Variants in CFAP74 observed in about 807,000 individuals in gnomAD.
CFAP74 encodes cilia- and flagella-associated protein 74.
Under a neutral mutation model 188.9 loss-of-function variants are expected in CFAP74, and 124 were observed. The observed-to-expected ratio is 0.66, with a 90% CI of 0.57 to 0.76. The LOEUF (loss-of-function observed/expected upper bound fraction) is 0.76. Among genes scored for constraint, CFAP74 ranks in the 30% least tolerant of loss-of-function variants. The probability of loss-of-function intolerance (pLI) is 0.00; values close to 1 mark genes in which losing one functional copy is unlikely to be tolerated. For synonymous variants in CFAP74, 956 were observed against 916.7 expected, an observed-to-expected ratio of 1.04 and a Z score of -0.77; for missense variants, 2,198 against 2,165.2, an observed-to-expected ratio of 1.02 and a Z score of -0.30.
At chr1:2,001,988 T>C (rs1395103225) in intron 1 of CFAP74, among the ~76,000 whole-genome samples, 1 of 152,202 alleles carries the variant, frequency 6.6e-6, no homozygotes, top group Non-Finnish European at 1.5e-5. Flanking sequence ...AAAGTGACTC[T>C]AGGCTGGATC....
intron 1 of CFAP74, among the ~76,000 whole-genome samples, chr1:1,992,226 A>G (rs13303140): frequency 0.49 from 73,400 of 151,302 alleles, 18,595 homozygotes; most frequent in Middle Eastern, 0.59. Context: ...GTGCAGTGAC[A>G]CAATCACAGT....
chr1:1,954,851 G>A (rs1360045765), intron 18 of CFAP74: 2 of 1,152,172 alleles, frequency 1.7e-6, no homozygotes, highest in Non-Finnish European at 2.2e-6. Context: ...GCAGGCATGA[G>A]CCCCAGCCAG....
intron 5 of CFAP74, among the ~76,000 whole-genome samples, 183 bp downstream of exon 5, chr1:1,986,754 T>C (rs1023745438): frequency 1.3e-5 from 2 of 152,198 alleles, no homozygotes; most frequent in African/African-American, 4.8e-5. Flanking sequence ...CCAGCCCCAG[T>C]GCCCTCCAGG....
chr1:1,966,396 C>G lies in CFAP74; in HGVS notation c.1376G>C (p.Trp459Ser). The G allele has an allele frequency of 6.3e-7, 1 of 1,587,762 alleles. No homozygotes were observed. The highest frequency in any genetic ancestry group is 8.6e-7 in the Non-Finnish European group (1 of 1,165,022). The change falls in exon 12 of 39, where the codon TGG becomes TCG. Residue 459 changes from tryptophan (W) to serine (S), a missense_variant. By Grantham distance (177) the Trp-to-Ser change is radical. Coordinates refer to ENST00000682832, the MANE Select transcript of CFAP74 (RefSeq NM_001304360.2). ...CTGGTATGGCTTGTAGTCTTCATTC[C>G]AAAGCCCAGAGATCTCGGGCTCAGC... is the stretch of plus-strand genomic sequence containing the variant. ...TLAEPEISGL[W>S]NEDYKPYQVP... is the part of the protein sequence containing the mutation.
intron 13 of CFAP74, among the ~76,000 whole-genome samples, chr1:1,964,363 C>T (rs528819819): frequency 4.9e-4 from 75 of 152,372 alleles, no homozygotes; most frequent in Non-Finnish European, 8.5e-4. Flanking sequence ...TTCGGGGCCA[C>T]GGCACCCCCA....
At chr1:1,944,649 C>T (rs1653627089) in intron 20 of CFAP74, among the ~76,000 whole-genome samples, 197 bp from the exon 21 acceptor site, 1 of 152,230 alleles carries the variant, frequency 6.6e-6, no homozygotes, top group Non-Finnish European at 1.5e-5. Context: ...CTCTGTCGCC[C>T]AGGCTGGAGT....
rs75709237 is a variant in CFAP74, at chr1:1,956,538, G to A, written c.2016+82C>T. 1.4e-3 allele frequency: 2,153 copies of A among 1,547,306 alleles called. 36 individuals are homozygous for A. In the African/African-American group the frequency reaches 0.026, roughly 18 times the overall value. On this transcript the variant is annotated intron_variant, in intron 17 of 38. Transcript: ENST00000682832. Reference sequence around the variant, plus strand: ...CCAGGCCCACTGTTGATACCCTCATGTTGTCACCTCTGTTCACCCACATGG... The same window carrying A: ...CCAGGCCCACTGTTGATACCCTCATATTGTCACCTCTGTTCACCCACATGG...
chr1:1,922,336 T>C lies in CFAP74; in HGVS notation c.4871A>G (p.Lys1624Arg). The C allele has an allele frequency of 6.2e-7, 1 of 1,605,498 alleles. No individual in the cohort carries two copies. Among genetic ancestry groups the C allele is most frequent in the Non-Finnish European group, 8.5e-7 (1 of 1,177,668 alleles). The part of the protein sequence containing the change: ...SALLQLRGDV[K>R]ETYKVIFVAQ... ...TACAAAGATGACCTTGTAGGTCTCC[T>C]TCACATCCCCCCTTAGCTGCAGCAG... is the stretch of plus-strand genomic sequence containing the variant. The change falls in exon 39 of 39, where the codon AAG becomes AGG. Residue 1624 changes from lysine to arginine, a missense_variant. Physicochemically the swap from Lys to Arg is conservative, Grantham distance 26. Transcript: ENST00000682832.
chr1:1,931,963 G>A (rs1652419218), intron 25 of CFAP74, among the ~76,000 whole-genome samples: 1 of 151,054 alleles, frequency 6.6e-6, no homozygotes, highest in South Asian at 2.1e-4. Context: ...CTACTCGGGA[G>A]GCTGAGGCAG....
At chr1:1,945,459 C>T (rs1221474707) in intron 20 of CFAP74, among the ~76,000 whole-genome samples, 1 of 152,170 alleles carries the variant, frequency 6.6e-6, no homozygotes, top group Non-Finnish European at 1.5e-5. Context: ...TGCCAGGAGC[C>T]TCAACCTGGG....
intron 25 of CFAP74, among the ~76,000 whole-genome samples, chr1:1,934,734 C>CGTGGGTGTTAGGATGTAGGTACACAG (rs1557997139): frequency 1.1e-5 from 1 of 93,994 alleles, no homozygotes; most frequent in Non-Finnish European, 2.2e-5. Flanking sequence ...TAGGTACACA[C>CGTGGGTGTTAGGATGTAGGTACACAG]GTGTGTACGT....
In CFAP74 at chr1:1,975,975, T is replaced by C. The variant is rs760366800; in HGVS notation, c.501-1777A>G. Among the ~76,000 whole-genome samples, 3 of 152,168 alleles carry C rather than the reference T, an allele frequency of 2.0e-5. No homozygotes were observed. Among genetic ancestry groups the C allele is most frequent in the Non-Finnish European group, 4.4e-5 (3 of 68,022 alleles). On this transcript the variant is annotated intron_variant, in intron 6 of 38. Coordinates refer to ENST00000682832, the MANE Select transcript of CFAP74 (RefSeq NM_001304360.2). The surrounding 1 kb of genome is among the most constrained non-coding windows in gnomAD (Gnocchi z 4.5). ...GGTCTTCGCAAACAACAGAATTTCA[T>C]TCCTCAGTTCTGGAGGCCGGGAAGT...
chr1:1,998,438 C>A (rs7520124), intron 1 of CFAP74, among the ~76,000 whole-genome samples: 51,809 of 151,860 alleles, frequency 0.34, 9,787 homozygotes, highest in African/African-American at 0.51. Context: ...CAGATCTACA[C>A]GTAGGGAGGG....
At chr1:2,001,478 C>T (rs908991979) in intron 1 of CFAP74, among the ~76,000 whole-genome samples, 31 of 152,066 alleles carry the variant, frequency 2.0e-4, no homozygotes, top group Non-Finnish European at 1.0e-4. Flanking sequence ...TACAGGCAAC[C>T]GCCACCACAC....
At chr1:1,939,487 G>A (rs770325487) in intron 24 of CFAP74, 107 bp downstream of exon 24, 22 of 1,132,518 alleles carry the variant, frequency 1.9e-5, no homozygotes, top group Non-Finnish European at 2.5e-5. Context: ...GCGGAAGTTG[G>A]GCCACATGCC....
At chr1:1,946,505 T>G (rs1653787523) in intron 19 of CFAP74, 66 bp from the exon 20 acceptor site, 6 of 1,459,914 alleles carry the variant, frequency 4.1e-6, no homozygotes, top group Non-Finnish European at 4.5e-6. Context: ...TTCCCAACCC[T>G]CACAATGGCA....
chr1:1,982,657 GA>G (rs1656979587), intron 6 of CFAP74, among the ~76,000 whole-genome samples: 3 of 152,256 alleles, frequency 2.0e-5, no homozygotes, highest in Admixed American at 2.0e-4. Flanking sequence ...TGACTTAAAG[GA>G]AAGTCCACGG....
chr1:1,940,938 C>A (rs1229506422), intron 22 of CFAP74, among the ~76,000 whole-genome samples: 3 of 152,004 alleles, frequency 2.0e-5, no homozygotes, highest in African/African-American at 7.3e-5. Flanking sequence ...CGGTGAAACC[C>A]CATCTCTACT....
At position 1,979,259 on chromosome 1, in the gene CFAP74, G is replaced by A. The variant is rs374588328; in HGVS notation, c.501-5061C>T. On this transcript the variant is annotated intron_variant, in intron 6 of 38. Transcript: ENST00000682832. ...CAGAACACGTGTGTCGTGCTGAGCTGGGCGTGGGAAGGCGTCATGTGACGA... is the reference window on the plus strand; with the variant it reads ...CAGAACACGTGTGTCGTGCTGAGCTAGGCGTGGGAAGGCGTCATGTGACGA... Among the ~76,000 whole-genome samples the A allele has an allele frequency of 5.2e-3, 584 of 113,326 alleles. 11 individuals carry two copies. Among genetic ancestry groups the A allele is most frequent in the East Asian group, 0.021 (63 of 3,022 alleles). The allele number at this position is 113,326 out of a possible 152,430, so 74.3% of individuals were successfully genotyped here. A position where few individuals can be genotyped will look rare whatever the true frequency, so the allele number is the denominator to read the frequency against.
Sources: gnomAD v4.1 joint callset for allele counts (sites outside exome capture counted in the v4.1 genomes callset) on GRCh38, gnomAD v4.1.1 for gene constraint, Gnocchi (gnomAD v3.1) non-coding constraint, MANE v1.5 for transcripts, NCBI Gene and HGNC (gene_info 2026-07-23, HGNC 2026-07-21) for gene names.